The following TPD52L1 variants were observed in gnomAD, a reference collection of about 807,000 sequenced individuals.
The protein encoded by TPD52L1 is tumor protein D53.
TPD52L1 carries 18 observed loss-of-function variants against 28.7 expected under a neutral mutation model. The observed-to-expected ratio is 0.63, with a 90% CI of 0.43 to 0.93. The LOEUF is 0.93. TPD52L1 is among the 40% of genes least tolerant of loss of function. The pLI, the probability that TPD52L1 is intolerant of heterozygous loss-of-function variation, is 0.00. For missense variants in TPD52L1, 203 were observed against 254.8 expected (o/e 0.80, Z 1.39); for synonymous variants, 75 against 88.8 (o/e 0.84, Z 0.88).
chr6:125,161,378 G>A (rs1250229930), intron 1 of TPD52L1, among the ~76,000 whole-genome samples: 1 of 152,156 alleles, frequency 6.6e-6, no homozygotes, highest in Non-Finnish European at 1.5e-5. Flanking sequence ...TATCATTTGT[G>A]TGTTCAGTGG....
chr6:125,250,864 A>C (rs1212200788), intron 4 of TPD52L1, among the ~76,000 whole-genome samples: 1 of 152,202 alleles, frequency 6.6e-6, no homozygotes, highest in Non-Finnish European at 1.5e-5. Flanking sequence ...TGTGGCTAAA[A>C]ATATTGGAAA....
intron 1 of TPD52L1, among the ~76,000 whole-genome samples, chr6:125,178,649 ACAAAAC>A (rs199584076): frequency 0.086 from 12,860 of 148,972 alleles, 763 homozygotes; most frequent in East Asian, 0.3. Context: ...ACAAAACAAA[ACAAAAC>A]AAAATATATA....
intron 3 of TPD52L1, among the ~76,000 whole-genome samples, chr6:125,240,810 CT>C (rs745535056): frequency 6.6e-6 from 1 of 151,948 alleles, no homozygotes; most frequent in Non-Finnish European, 1.5e-5. Context: ...ATTTAGATGG[CT>C]TTTATTTCTT....
intron 2 of TPD52L1, among the ~76,000 whole-genome samples, chr6:125,226,584 C>A (rs1795625889): frequency 6.6e-6 from 1 of 151,950 alleles, no homozygotes; most frequent in African/African-American, 2.4e-5. Flanking sequence ...TCCTTGTGTA[C>A]ATCTGTAATT....
At chr6:125,173,611 A>G (rs1791637095) in intron 1 of TPD52L1, among the ~76,000 whole-genome samples, 1 of 152,210 alleles carries the variant, frequency 6.6e-6, no homozygotes, top group Admixed American at 6.5e-5. Context: ...CGTTCTTAAG[A>G]AGCCTGTTTA....
rs777362446 is a variant in TPD52L1 at position 125,262,942 on chromosome 6, G to A, written c.595G>A (p.Glu199Lys). Reference protein sequence around the residue: ...SLAGGSRRTKEEELQC With the variant: ...SLAGGSRRTKKEELQC ...GGCAGGAGGCTCCCGGCGGACCAAG[G>A]AGGAGGAGCTGCAGTGCTAAGTCCA... Residue 199 changes from glutamate to lysine, a missense_variant, in exon 7 of 7, where the codon GAG becomes AAG. Glu to Lys is a moderately conservative substitution (Grantham distance 56). Transcript: ENST00000534000. The A allele has an allele frequency of 3.7e-6, 6 of 1,613,886 alleles. No homozygotes were observed. The African/African-American group carries it at 4.0e-5, about 11-fold the overall frequency.
Position 125,262,880 on chromosome 6 carries a change from T to A in TPD52L1, c.533T>A (p.Val178Asp), listed in dbSNP as rs970952795. Residue 178 changes from valine to aspartate, a missense_variant, in exon 7 of 7, where the codon GTC (valine) becomes GAC (aspartate). By Grantham distance (152) the Val-to-Asp change is radical (BLOSUM62 -3). Transcript: ENST00000534000. ...CCTAATGGAGGCAGTTTTGAGGAGGTCCTCAGCTCCACGGCCCATGCCAGT... is the reference window on the plus strand; with the variant it reads ...CCTAATGGAGGCAGTTTTGAGGAGGACCTCAGCTCCACGGCCCATGCCAGT... ...TNPNGGSFEE[V>D]LSSTAHASAQ... 64 of 1,613,980 alleles carry A rather than the reference T, an allele frequency of 4.0e-5. 1 individual carries two copies. The East Asian group carries it at 1.4e-3, about 34-fold the overall frequency.
intron 1 of TPD52L1, among the ~76,000 whole-genome samples, chr6:125,190,029 G>C (rs561820311): frequency 6.6e-6 from 1 of 152,118 alleles, no homozygotes; most frequent in East Asian, 1.9e-4. Flanking sequence ...TTGGGGTGTC[G>C]GTGGTGGTTA....
At chr6:125,177,799 G>A (rs927544610) in intron 1 of TPD52L1, among the ~76,000 whole-genome samples, 21 of 152,156 alleles carry the variant, frequency 1.4e-4, no homozygotes, top group African/African-American at 3.9e-4. Context: ...CTTTTAAAGC[G>A]ACTTTGATAA....
chr6:125,163,053 C>T (rs148141197), intron 1 of TPD52L1, among the ~76,000 whole-genome samples: 14 of 152,230 alleles, frequency 9.2e-5, no homozygotes, highest in East Asian at 1.9e-4. Context: ...CTGTGCCACA[C>T]GTGCAAAGGG....
intron 3 of TPD52L1, among the ~76,000 whole-genome samples, chr6:125,245,576 G>T (rs1796878257): frequency 6.6e-6 from 1 of 152,160 alleles, no homozygotes. Flanking sequence ...TCCTTGGGTA[G>T]GGCTTGCTGC....
intron 1 of TPD52L1, among the ~76,000 whole-genome samples, chr6:125,195,765 A>G (rs1165792925): frequency 6.6e-6 from 1 of 152,188 alleles, no homozygotes; most frequent in Non-Finnish European, 1.5e-5. Flanking sequence ...GGCCAAGTGC[A>G]CTGACCCATC....
At chr6:125,155,645 T>A (rs1282100879) in intron 1 of TPD52L1, among the ~76,000 whole-genome samples, 1 of 152,082 alleles carries the variant, frequency 6.6e-6, no homozygotes, top group African/African-American at 2.4e-5. Context: ...GATAGCTATT[T>A]GAAAAATAAC....
At chr6:125,262,647 G>T (rs189094595) in intron 6 of TPD52L1, 187 bp from the exon 7 acceptor site, 8 of 732,376 alleles carry the variant, frequency 1.1e-5, no homozygotes, top group African/African-American at 1.1e-4. Flanking sequence ...AATCCTATCC[G>T]AGAACCCAAG....
chr6:125,214,432 C>T, intron 1 of TPD52L1: 3 of 983,588 alleles, frequency 3.1e-6, no homozygotes, highest in Non-Finnish European at 3.6e-6. Flanking sequence ...CACAATCTAC[C>T]AGGGATAGAG....
At chr6:125,183,977 G>A (rs1174493618) in intron 1 of TPD52L1, among the ~76,000 whole-genome samples, 1 of 152,080 alleles carries the variant, frequency 6.6e-6, no homozygotes, top group Non-Finnish European at 1.5e-5. Context: ...AGATTCTATG[G>A]GGAGATAGGG....
Position 125,190,632 on chromosome 6 carries a change from T to C in TPD52L1, c.20-29446T>C, listed in dbSNP as rs185493759. Among the ~76,000 whole-genome samples, 34 of 152,352 alleles carry C rather than the reference T, an allele frequency of 2.2e-4. No individual in the cohort carries two copies. In the East Asian group the frequency reaches 6.2e-3, roughly 28 times the overall value. On this transcript the variant is annotated intron_variant, in intron 1 of 6. Coordinates refer to ENST00000534000, the MANE Select transcript of TPD52L1 (RefSeq NM_003287.4). ...ACCCTAATGTAGTCAGTGGGAGTCCTGAGCTTGTTTTTCTGCATCTAGATG... is the reference window on the plus strand; with the variant it reads ...ACCCTAATGTAGTCAGTGGGAGTCCCGAGCTTGTTTTTCTGCATCTAGATG...
intron 1 of TPD52L1, 74 bp downstream of exon 1, chr6:125,154,044 C>T (rs1305656077): frequency 2.6e-6 from 4 of 1,545,372 alleles, no homozygotes; most frequent in Non-Finnish European, 3.5e-6. Context: ...CACCACCTAA[C>T]TTCGCTCTCG....
intron 1 of TPD52L1, among the ~76,000 whole-genome samples, chr6:125,170,457 C>A (rs565565241): frequency 6.6e-6 from 1 of 151,486 alleles, no homozygotes; most frequent in East Asian, 2.0e-4. Context: ...GTGATAAAGA[C>A]CAGATGTTGG....
Sources: gnomAD v4.1 joint callset for allele counts (sites outside exome capture counted in the v4.1 genomes callset) on GRCh38, gnomAD v4.1.1 for gene constraint, MANE v1.5 for transcripts, NCBI Gene and HGNC (gene_info 2026-07-23, HGNC 2026-07-21) for gene names.